Variants in INPP4B observed in about 807,000 individuals in gnomAD.
INPP4B encodes the protein inositol polyphosphate 4-phosphatase type II.
In INPP4B, 55 loss-of-function variants were observed where a neutral mutation model predicts 122.5. The ratio of observed to expected loss-of-function variants is 0.45; its 90% CI spans 0.36 to 0.56. The LOEUF (loss-of-function observed/expected upper bound fraction) is 0.56, where lower values mean the gene tolerates loss of function less well. Among genes scored for constraint, INPP4B ranks in the 20% least tolerant of loss-of-function variants. INPP4B has a pLI of 0.00. For missense variants in INPP4B, 1,000 were observed against 1,097.7 expected (o/e 0.91, Z 1.26); for synonymous variants, 403 against 388.7 (o/e 1.04, Z -0.43).
intron 11 of INPP4B, among the ~76,000 whole-genome samples, chr4:142,256,841 C>T (rs1736431850): frequency 6.6e-6 from 1 of 152,106 alleles, no homozygotes; most frequent in Non-Finnish European, 1.5e-5. Context: ...GGGAATCCTC[C>T]CTAACTCATT....
chr4:142,378,332 A>C (rs1022416027), intron 7 of INPP4B, among the ~76,000 whole-genome samples: 9 of 152,168 alleles, frequency 5.9e-5, no homozygotes, highest in African/African-American at 2.2e-4. Context: ...TGTTTCCAAC[A>C]CTATGTGAGC....
chr4:142,175,834 A>G (rs1827885709), intron 15 of INPP4B, among the ~76,000 whole-genome samples: 2 of 152,116 alleles, frequency 1.3e-5, no homozygotes. Context: ...TGTAAAGAAA[A>G]TGATTCTCTA....
At chr4:142,063,396 G>C (rs1384517090) in intron 25 of INPP4B, among the ~76,000 whole-genome samples, 1 of 152,094 alleles carries the variant, frequency 6.6e-6, no homozygotes, top group Non-Finnish European at 1.5e-5. Context: ...GAATTAAAAA[G>C]CTTCTTTTTC....
chr4:142,767,503 T>G (rs1481992533), intron 1 of INPP4B: 1 of 152,212 alleles, frequency 6.6e-6, no homozygotes, highest in Non-Finnish European at 1.5e-5. Flanking sequence ...CTCTTTCACT[T>G]TCCAGGTGTA....
intron 15 of INPP4B, among the ~76,000 whole-genome samples, chr4:142,188,518 A>AAATATATAT (rs1834267141): frequency 1.9e-5 from 2 of 105,126 alleles, no homozygotes; most frequent in African/African-American, 3.3e-5. Flanking sequence ...AAAGAAAAAA[A>AAATATATAT]ATATATATAG....
chr4:142,046,894 G>A (rs1312470956), intron 25 of INPP4B, among the ~76,000 whole-genome samples: 1 of 152,058 alleles, frequency 6.6e-6, no homozygotes, highest in Non-Finnish European at 1.5e-5. Flanking sequence ...AAAGATGGGA[G>A]TGAGTGAATT....
chr4:142,237,122 A>G (rs1856996374), intron 12 of INPP4B, among the ~76,000 whole-genome samples: 1 of 152,180 alleles, frequency 6.6e-6, no homozygotes, highest in Non-Finnish European at 1.5e-5. Flanking sequence ...ATTTTGTTGT[A>G]CAATACTGTC....
intron 2 of INPP4B, among the ~76,000 whole-genome samples, chr4:142,571,757 G>GTCAA (rs1732879709): frequency 6.6e-6 from 1 of 152,118 alleles, no homozygotes; most frequent in Non-Finnish European, 1.5e-5. Flanking sequence ...ATGGCAAAGA[G>GTCAA]TCAATTTGAA....
At chr4:142,539,058 A>C (rs1254611242) in intron 2 of INPP4B, among the ~76,000 whole-genome samples, 1 of 150,480 alleles carries the variant, frequency 6.6e-6, no homozygotes, top group Non-Finnish European at 1.5e-5. Flanking sequence ...TTTTGTGATT[A>C]TATATAATTA....
At chr4:142,464,817 GTTTTA>G (rs1410453688) in intron 2 of INPP4B, among the ~76,000 whole-genome samples, 1 of 152,110 alleles carries the variant, frequency 6.6e-6, no homozygotes, top group Non-Finnish European at 1.5e-5. Flanking sequence ...AAGTGTCTTA[GTTTTA>G]TTTTAACACT....
intron 9 of INPP4B, among the ~76,000 whole-genome samples, chr4:142,288,117 G>A (rs558138907): frequency 2.0e-5 from 3 of 152,148 alleles, no homozygotes; most frequent in Non-Finnish European, 4.4e-5. Flanking sequence ...GGAGGGTAGG[G>A]CCTCAATATA....
At chr4:142,798,740 G>A (rs1452103471) in intron 1 of INPP4B, among the ~76,000 whole-genome samples, 1 of 151,804 alleles carries the variant, frequency 6.6e-6, no homozygotes, top group Non-Finnish European at 1.5e-5. Context: ...GTAAGAAGTA[G>A]AGAAGTAGAG....
rs76586113 is a variant in INPP4B at position 142,555,450 on chromosome 4, T to G, written c.-190-92724A>C. Among the ~76,000 whole-genome samples the G allele has an allele frequency of 1.9e-3, 295 of 152,318 alleles. 1 individual carries two copies. Among genetic ancestry groups the G allele is most frequent in the African/African-American group, 6.8e-3 (284 of 41,574 alleles). On this transcript the variant is annotated intron_variant, in intron 2 of 25. Transcript: ENST00000262992. The stretch of plus-strand genomic sequence containing the variant: ...GAGAATCTATAAGATTTGGCTACAA[T>G]GCAGTCTATCTCATGTATTTATTAG...
chr4:142,515,800 AGT>A (rs1200140474), intron 2 of INPP4B, among the ~76,000 whole-genome samples: 1 of 152,168 alleles, frequency 6.6e-6, no homozygotes, highest in Non-Finnish European at 1.5e-5. Flanking sequence ...TCTAAACTAT[AGT>A]GTGATTTTCT....
chr4:142,039,094 C>T (rs910075151), intron 25 of INPP4B, among the ~76,000 whole-genome samples: 2 of 152,090 alleles, frequency 1.3e-5, no homozygotes, highest in Non-Finnish European at 2.9e-5. Context: ...ATTCAGTGAC[C>T]TCTAAAATTA....
intron 2 of INPP4B, among the ~76,000 whole-genome samples, chr4:142,598,523 A>G (rs571473415): frequency 2.6e-5 from 4 of 152,278 alleles, no homozygotes; most frequent in East Asian, 1.9e-4. Context: ...AAAGGACTAC[A>G]GTGGCACAGC....
intron 15 of INPP4B, among the ~76,000 whole-genome samples, chr4:142,183,756 G>C (rs1831911383): frequency 6.6e-6 from 1 of 152,128 alleles, no homozygotes; most frequent in Non-Finnish European, 1.5e-5. Context: ...TGCAGCAAAG[G>C]AGAAACGTAA....
At chr4:142,594,917 T>C (rs1738342041) in intron 2 of INPP4B, among the ~76,000 whole-genome samples, 1 of 132,926 alleles carries the variant, frequency 7.5e-6, no homozygotes, top group South Asian at 2.3e-4. Flanking sequence ...ATCGCGTCAC[T>C]GCACTCCAGC....
At chr4:142,530,545 G>C in intron 2 of INPP4B, among the ~76,000 whole-genome samples, 1 of 79,586 alleles carries the variant, frequency 1.3e-5, no homozygotes, top group East Asian at 2.8e-4. Context: ...ATATATATGT[G>C]TGTGCATATA....
Sources: gnomAD v4.1 joint callset for allele counts (sites outside exome capture counted in the v4.1 genomes callset) on GRCh38, gnomAD v4.1.1 for gene constraint, MANE v1.5 for transcripts, NCBI Gene and HGNC (gene_info 2026-07-23, HGNC 2026-07-21) for gene names.